PTPRG: variants seen among roughly 807,000 people sequenced by gnomAD.
PTPRG encodes receptor-type tyrosine-protein phosphatase gamma.
In PTPRG, 102 loss-of-function variants were observed where a neutral mutation model predicts 165.3. The ratio of observed to expected loss-of-function variants is 0.62; its 90% CI spans 0.53 to 0.73. The LOEUF is 0.73. Ranked by LOEUF, PTPRG falls within the 30% of genes least tolerant of loss-of-function variation. PTPRG has a pLI of 0.00. For synonymous variants in PTPRG, 675 were observed against 669.5 expected, an observed-to-expected ratio of 1.01 and a Z score of -0.13; for missense variants, 1,866 against 1,861.4, an observed-to-expected ratio of 1.00 and a Z score of -0.05.
chr3:61,682,987 T>G (rs779827654), intron 1 of PTPRG, among the ~76,000 whole-genome samples: 1 of 152,186 alleles, frequency 6.6e-6, no homozygotes, highest in African/African-American at 2.4e-5. Context: ...TTTCTCTCTT[T>G]CTTCCTTCCT....
At chr3:61,813,678 T>C (rs1464389826) in intron 2 of PTPRG, among the ~76,000 whole-genome samples, 2 of 151,590 alleles carry the variant, frequency 1.3e-5, no homozygotes, top group Non-Finnish European at 2.9e-5. Flanking sequence ...TAATAACTTA[T>C]TGAATGTATA....
chr3:62,194,926 C>T, intron 9 of PTPRG, 136 bp from the exon 10 acceptor site: 1 of 792,864 alleles, frequency 1.3e-6, no homozygotes. Context: ...GTCTTTCCTT[C>T]CAAAGTGAGC....
intron 1 of PTPRG, among the ~76,000 whole-genome samples, chr3:61,705,941 T>C (rs1291407438): frequency 1.3e-5 from 2 of 152,204 alleles, no homozygotes; most frequent in African/African-American, 4.8e-5. Context: ...TCCCCTAAGA[T>C]GTTGTGCCTC....
At chr3:62,085,115 G>T (rs1701705534) in intron 5 of PTPRG, among the ~76,000 whole-genome samples, 1 of 152,106 alleles carries the variant, frequency 6.6e-6, no homozygotes. Context: ...CCTTTCCCTA[G>T]CCCTCACAGT....
In PTPRG at chr3:61,993,710, C is replaced by A. The variant is rs534748636; in HGVS notation, c.370+3906C>A. ...TGCCATCCATTTTATATCTATCTTG[C>A]ATACCTAAAAGTATTTTAGAGTATT... On this transcript the variant is annotated intron_variant, in intron 3 of 29. Transcript: ENST00000474889. Among the ~76,000 whole-genome samples the A allele has an allele frequency of 8.5e-5, 13 of 152,268 alleles. 1 individual carries two copies. In the South Asian group the frequency reaches 2.7e-3, roughly 32 times the overall value.
At chr3:61,744,982 C>T (rs1437031360) in intron 1 of PTPRG, among the ~76,000 whole-genome samples, 2 of 151,742 alleles carry the variant, frequency 1.3e-5, no homozygotes, top group Non-Finnish European at 2.9e-5. Flanking sequence ...CATTTTCTTA[C>T]CATCACTACC....
chr3:62,072,057 T>A (rs1194189507), intron 4 of PTPRG, among the ~76,000 whole-genome samples: 1 of 152,324 alleles, frequency 6.6e-6, no homozygotes, highest in East Asian at 1.9e-4. Flanking sequence ...ATTTGTAAAG[T>A]CAAACTACAA....
intron 2 of PTPRG, among the ~76,000 whole-genome samples, chr3:61,833,728 ACTTTTTTTGTATTTT>A (rs1487529173): frequency 6.6e-6 from 1 of 151,826 alleles, no homozygotes; most frequent in Non-Finnish European, 1.5e-5. Context: ...ACGCCTGGCT[ACTTTTTTTGTATTTT>A]TAGTAGAGAC....
At chr3:61,709,678 T>G (rs1237123114) in intron 1 of PTPRG, among the ~76,000 whole-genome samples, 1 of 152,208 alleles carries the variant, frequency 6.6e-6, no homozygotes, top group African/African-American at 2.4e-5. Flanking sequence ...ACTTCTTGCC[T>G]AAGATACTTA....
chr3:62,273,563 C>G lies in PTPRG; in HGVS notation c.3319-135C>G. Reference sequence around the variant, plus strand: ...TGATAAAGTGAGTATTGGAGCAAATCACCTAGCTGTAAGTGCTTGAAGGAA... The same window carrying G: ...TGATAAAGTGAGTATTGGAGCAAATGACCTAGCTGTAAGTGCTTGAAGGAA... On this transcript the variant is annotated intron_variant, in intron 22 of 29. Coordinates refer to ENST00000474889, the MANE Select transcript of PTPRG (RefSeq NM_002841.4). The surrounding 1 kb of genome is among the most constrained non-coding windows in gnomAD (Gnocchi z 4.1). The G allele has an allele frequency of 1.2e-6, 1 of 821,486 alleles. No individual in the cohort carries two copies. Among genetic ancestry groups the G allele is most frequent in the Non-Finnish European group, 2.0e-6 (1 of 498,450 alleles). 50.9% of individuals were successfully genotyped at this position (821,486 alleles called of 1,614,324 possible). A position where few individuals can be genotyped will look rare whatever the true frequency, so the allele number is the denominator to read the frequency against.
chr3:62,121,868 G>A (rs1703086636), intron 5 of PTPRG, among the ~76,000 whole-genome samples: 1 of 152,158 alleles, frequency 6.6e-6, no homozygotes, highest in Non-Finnish European at 1.5e-5. Context: ...AAACTTTCTG[G>A]TTTTCCATTT....
chr3:62,148,106 A>C (rs1315740637), intron 6 of PTPRG, among the ~76,000 whole-genome samples: 1 of 152,210 alleles, frequency 6.6e-6, no homozygotes, highest in East Asian at 1.9e-4. Flanking sequence ...AGATCGTGCC[A>C]CTGCACTCCA....
intron 6 of PTPRG, among the ~76,000 whole-genome samples, chr3:62,150,949 A>G (rs952415384): frequency 2.0e-5 from 3 of 152,180 alleles, no homozygotes; most frequent in African/African-American, 7.2e-5. Context: ...TGTTCATCGT[A>G]TTTTATAAAG....
At chr3:62,159,773 C>G (rs967309732) in intron 7 of PTPRG, among the ~76,000 whole-genome samples, 9 of 152,128 alleles carry the variant, frequency 5.9e-5, no homozygotes, top group African/African-American at 2.2e-4. Flanking sequence ...TAAGATAATA[C>G]TTTAGTTTTA....
At chr3:62,066,779 C>T (rs1360873032) in intron 4 of PTPRG, among the ~76,000 whole-genome samples, 1 of 152,160 alleles carries the variant, frequency 6.6e-6, no homozygotes, top group Non-Finnish European at 1.5e-5. Context: ...GTGGCTCATG[C>T]CTGTAATCCC....
At chr3:62,139,386 G>A (rs530048292) in intron 6 of PTPRG, among the ~76,000 whole-genome samples, 1 of 152,240 alleles carries the variant, frequency 6.6e-6, no homozygotes, top group Admixed American at 6.5e-5. Context: ...TTGAACCTGA[G>A]AGGCGAAGTT....
At chr3:62,182,345 G>T (rs978224950) in intron 8 of PTPRG, among the ~76,000 whole-genome samples, 1 of 152,202 alleles carries the variant, frequency 6.6e-6, no homozygotes, top group Non-Finnish European at 1.5e-5. Flanking sequence ...CACAAGTCTC[G>T]TAACACTACT....
At chr3:61,712,829 A>G (rs2031630480) in intron 1 of PTPRG, among the ~76,000 whole-genome samples, 1 of 152,188 alleles carries the variant, frequency 6.6e-6, no homozygotes, top group Non-Finnish European at 1.5e-5. Flanking sequence ...AACTACAAAA[A>G]CATGCATGAA....
Position 62,203,774 on chromosome 3 carries a change from G to A in PTPRG, c.1979G>A (p.Arg660Lys). Residue 660 changes from arginine (R) to lysine (K), a missense_variant, in exon 12 of 30, where the codon AGG becomes AAG. Physicochemically the swap from Arg to Lys is conservative, Grantham distance 26 (BLOSUM62 2). Coordinates refer to ENST00000474889, the MANE Select transcript of PTPRG (RefSeq NM_002841.4). This position sits in a 1 kb window ranked among gnomAD's most constrained non-coding sequence, Gnocchi z 6.4. ...AVPTDQTGGR[R>K]DAGPGLDPDM... is the part of the protein sequence containing the mutation. ...CCCACAGACCAGACGGGCGGAAGGA[G>A]GGATGCCGGCCCAGGCCTGGACCCC... is the stretch of plus-strand genomic sequence containing the variant. The A allele has an allele frequency of 6.2e-7, 1 of 1,612,066 alleles. No homozygotes were observed. The highest frequency in any genetic ancestry group is 8.5e-7 in the Non-Finnish European group (1 of 1,179,006).
Sources: allele counts gnomAD v4.1 joint callset (sites outside exome capture counted in the v4.1 genomes callset), GRCh38; gene constraint gnomAD v4.1.1; non-coding constraint Gnocchi (gnomAD v3.1); transcripts MANE v1.5; gene names NCBI Gene and HGNC (gene_info 2026-07-23, HGNC 2026-07-21).